The following RUNX1 variants were observed in gnomAD, a reference collection of about 807,000 sequenced individuals.
The protein encoded by RUNX1 is RUNX family transcription factor 1.
RUNX1 carries 19 observed loss-of-function variants against 42.8 expected under a neutral mutation model. The observed-to-expected ratio is 0.44, with a 90% CI of 0.31 to 0.65. The LOEUF (loss-of-function observed/expected upper bound fraction) is 0.65. Ranked by LOEUF, RUNX1 falls within the 30% of genes least tolerant of loss-of-function variation. RUNX1 has a pLI of 0.07. For synonymous variants in RUNX1, 271 were observed against 289.4 expected (o/e 0.94, Z 0.64); for missense variants, 528 against 672.0 (o/e 0.79, Z 2.37).
At chr21:34,883,387 T>C (rs1381271640) in intron 4 of RUNX1, among the ~76,000 whole-genome samples, 1 of 152,186 alleles carries the variant, frequency 6.6e-6, no homozygotes, top group Non-Finnish European at 1.5e-5. Flanking sequence ...AATTCATTAA[T>C]ACTGTATATC....
At chr21:34,848,182 C>T (rs1302828011) in intron 6 of RUNX1, among the ~76,000 whole-genome samples, 2 of 152,208 alleles carry the variant, frequency 1.3e-5, no homozygotes, top group Non-Finnish European at 2.9e-5. Context: ...TGGTTTTATA[C>T]CCAAGGAGGC....
At chr21:35,012,613 C>T (rs958816671) in intron 2 of RUNX1, among the ~76,000 whole-genome samples, 2 of 152,164 alleles carry the variant, frequency 1.3e-5, no homozygotes, top group Non-Finnish European at 2.9e-5. Context: ...ACAGGTTTGA[C>T]ATCTATATGG....
intron 2 of RUNX1, among the ~76,000 whole-genome samples, chr21:34,925,088 A>G (rs2058383351): frequency 6.6e-6 from 1 of 152,108 alleles, no homozygotes; most frequent in African/African-American, 2.4e-5. Flanking sequence ...AACATCCCCA[A>G]TCTGTGTTTC....
At chr21:34,895,617 C>G (rs2058123978) in intron 2 of RUNX1, among the ~76,000 whole-genome samples, 1 of 151,764 alleles carries the variant, frequency 6.6e-6, no homozygotes, top group Non-Finnish European at 1.5e-5. Flanking sequence ...AAATGGTGCT[C>G]TGGGCTGAAT....
At chr21:35,039,565 A>G (rs2059342657) in intron 2 of RUNX1, among the ~76,000 whole-genome samples, 1 of 152,250 alleles carries the variant, frequency 6.6e-6, no homozygotes, top group African/African-American at 2.4e-5. Context: ...CATCATATAG[A>G]ACAATGTCTC....
chr21:34,871,481 C>G (rs895220542), intron 5 of RUNX1, among the ~76,000 whole-genome samples: 1 of 152,222 alleles, frequency 6.6e-6, no homozygotes, highest in East Asian at 1.9e-4. Flanking sequence ...AAAGCAGACA[C>G]AGCCTGACCT....
At chr21:34,978,622 T>C (rs973942557) in intron 2 of RUNX1, among the ~76,000 whole-genome samples, 1 of 152,188 alleles carries the variant, frequency 6.6e-6, no homozygotes, top group Non-Finnish European at 1.5e-5. Context: ...ACATATTTCA[T>C]AGTTGTGTGT....
chr21:35,006,321 G>C (rs937454342), intron 2 of RUNX1, among the ~76,000 whole-genome samples: 4 of 152,128 alleles, frequency 2.6e-5, no homozygotes, highest in Non-Finnish European at 5.9e-5. Context: ...CCTCAAGGAG[G>C]CAAACTGAAC....
At chr21:34,944,646 T>C (rs1159579231) in intron 2 of RUNX1, among the ~76,000 whole-genome samples, 1 of 152,174 alleles carries the variant, frequency 6.6e-6, no homozygotes, top group Non-Finnish European at 1.5e-5. Context: ...TGTCGTCTCC[T>C]CTTAGGACAG....
rs145143458 is a variant in RUNX1, at chr21:34,995,643, G to C, written c.58+53199C>G. Among the ~76,000 whole-genome samples, 903 of 152,180 alleles carry C rather than the reference G, an allele frequency of 5.9e-3. 7 individuals are homozygous for C. The highest frequency in any genetic ancestry group is 0.02 in the South Asian group (98 of 4,826). Reference sequence around the variant, plus strand: ...TTTTGTAGAGACAGGGTTTCGCCATGTTGCCCAAGCTGTTCTCGAACTCCT... The same window carrying C: ...TTTTGTAGAGACAGGGTTTCGCCATCTTGCCCAAGCTGTTCTCGAACTCCT... On this transcript the variant is annotated intron_variant, in intron 2 of 8. Transcript: ENST00000675419.
At chr21:35,020,160 A>AT (rs531038480) in intron 2 of RUNX1, among the ~76,000 whole-genome samples, 24 of 150,388 alleles carry the variant, frequency 1.6e-4, no homozygotes, top group South Asian at 8.4e-4. Flanking sequence ...TTGCAATTAG[A>AT]TTTTTTTTTT....
At chr21:34,850,113 T>A (rs1179962737) in intron 6 of RUNX1, among the ~76,000 whole-genome samples, 2 of 152,174 alleles carry the variant, frequency 1.3e-5, no homozygotes, top group Non-Finnish European at 2.9e-5. Context: ...GGCTAGGGTA[T>A]GAGAAAAATT....
At chr21:34,993,586 GACAC>G (rs987795440) in intron 2 of RUNX1, among the ~76,000 whole-genome samples, 10 of 59,780 alleles carry the variant, frequency 1.7e-4, no homozygotes, top group African/African-American at 6.7e-4. Context: ...CACACACACA[GACAC>G]ACACACACAG....
chr21:34,869,731 G>A (rs1314528028), intron 5 of RUNX1, among the ~76,000 whole-genome samples: 3 of 152,174 alleles, frequency 2.0e-5, no homozygotes, highest in East Asian at 3.9e-4. Context: ...TCCAAGGCGA[G>A]CTGCCGTGGC....
rs752573187 is a variant in RUNX1, at chr21:34,989,014, C to CTCTT, written c.58+59827_58+59828insAAGA. 3.0e-3 allele frequency among the ~76,000 whole-genome samples: 441 copies of CTCTT among 145,890 alleles called. 2 individuals carry two copies. Among genetic ancestry groups the CTCTT allele is most frequent in the Middle Eastern group, 0.011 (3 of 282 alleles). On this transcript the variant is annotated intron_variant, in intron 2 of 8. Coordinates refer to ENST00000675419, the MANE Select transcript of RUNX1 (RefSeq NM_001754.5). The stretch of plus-strand genomic sequence containing the variant: ...CCCAGATCTCTCTCTCTCTCTCTCT[C>CTCTT]TTTTTTTTTTTTTAGATGGAGTTTC...
At chr21:34,965,700 G>A (rs968433288) in intron 2 of RUNX1, among the ~76,000 whole-genome samples, 4 of 151,964 alleles carry the variant, frequency 2.6e-5, no homozygotes, top group Admixed American at 1.3e-4. Context: ...TGGGACTCTC[G>A]AGATGAAAAT....
intron 6 of RUNX1, among the ~76,000 whole-genome samples, chr21:34,838,455 A>T (rs1403490867): frequency 2.6e-5 from 4 of 152,258 alleles, no homozygotes; most frequent in Non-Finnish European, 5.9e-5. Context: ...GTTGAGCCAA[A>T]TCTATGCAAA....
At chr21:34,864,227 C>T (rs939264349) in intron 5 of RUNX1, among the ~76,000 whole-genome samples, 6 of 152,214 alleles carry the variant, frequency 3.9e-5, no homozygotes, top group Middle Eastern at 3.2e-3. Context: ...TCGGGGCACA[C>T]GTGTTATGAG....
intron 2 of RUNX1, among the ~76,000 whole-genome samples, chr21:35,012,975 A>G (rs1442042087): frequency 2.0e-5 from 3 of 152,232 alleles, no homozygotes; most frequent in African/African-American, 7.2e-5. Flanking sequence ...GCATGACTGT[A>G]TTCCAATAAG....
Sources: gnomAD v4.1 joint callset for allele counts (sites outside exome capture counted in the v4.1 genomes callset) on GRCh38, gnomAD v4.1.1 for gene constraint, MANE v1.5 for transcripts, NCBI Gene and HGNC (gene_info 2026-07-23, HGNC 2026-07-21) for gene names.